PTK7: variants seen among roughly 807,000 people sequenced by gnomAD.
PTK7 encodes inactive tyrosine-protein kinase 7.
A neutral mutation model predicts 116.6 loss-of-function variants in PTK7; 39 were observed. The ratio of observed to expected loss-of-function variants is 0.33; its 90% CI spans 0.26 to 0.44. The LOEUF is 0.44. Among genes scored for constraint, PTK7 ranks in the 20% least tolerant of loss-of-function variants. The probability of loss-of-function intolerance (pLI) is 1.00; values close to 1 mark genes in which losing one functional copy is unlikely to be tolerated. For synonymous variants in PTK7, 546 were observed against 563.6 expected, an observed-to-expected ratio of 0.97 and a Z score of 0.44; for missense variants, 1,169 against 1,425.6, an observed-to-expected ratio of 0.82 and a Z score of 2.90.
At chr6:43,142,959 A>AGT (rs1770508844) in intron 13 of PTK7, 1 of 171,432 alleles carries the variant, frequency 5.8e-6, no homozygotes, top group African/African-American at 2.4e-5. Context: ...GAGGCCCCTC[A>AGT]GTGTGGGCCA....
chr6:43,118,778 A>ATT (rs532364078), intron 1 of PTK7, among the ~76,000 whole-genome samples: 35 of 119,500 alleles, frequency 2.9e-4, no homozygotes, highest in Non-Finnish European at 2.6e-4. Flanking sequence ...TGTGTGTATA[A>ATT]TTTTTTTTTT....
At chr6:43,123,933 G>C (rs1278205700) in intron 1 of PTK7, among the ~76,000 whole-genome samples, 4 of 152,208 alleles carry the variant, frequency 2.6e-5, no homozygotes, top group Admixed American at 6.5e-5. Flanking sequence ...TCACGGCAAA[G>C]AAGGGTGCAG....
intron 10 of PTK7, among the ~76,000 whole-genome samples, chr6:43,140,148 T>G (rs1770307141): frequency 6.7e-6 from 1 of 149,336 alleles, no homozygotes; most frequent in Admixed American, 6.7e-5. Flanking sequence ...CATGGGCTCC[T>G]TTACAAAATA....
rs759166210 is a variant in PTK7 at position 43,139,916 on chromosome 6, C to G, written c.1618+391C>G. Among the ~76,000 whole-genome samples, 1 of 151,006 alleles carries G rather than the reference C, an allele frequency of 6.6e-6. No homozygotes were observed. The highest frequency in any genetic ancestry group is 1.5e-5 in the Non-Finnish European group (1 of 67,872). ...GTCACTTGAGGCCAGGAGTTTGAGA[C>G]CAGCCTGGCCAACATGGTGAAACCC... is the stretch of plus-strand genomic sequence containing the variant. On this transcript the variant is annotated intron_variant, in intron 10 of 19. Coordinates refer to ENST00000230419, the MANE Select transcript of PTK7 (RefSeq NM_002821.5). The surrounding 1 kb of genome is among the most constrained non-coding windows in gnomAD (Gnocchi z 4.6).
intron 17 of PTK7, among the ~76,000 whole-genome samples, chr6:43,153,718 T>C (rs1052192106): frequency 3.3e-5 from 5 of 151,812 alleles, no homozygotes; most frequent in African/African-American, 1.2e-4. Flanking sequence ...CTAAACAGAA[T>C]TGAATTTTAA....
Position 43,079,108 on chromosome 6 carries a change from A to C in PTK7, c.79+2541A>C, listed in dbSNP as rs140689321. 5.0e-3 allele frequency among the ~76,000 whole-genome samples: 768 copies of C among 152,266 alleles called. 4 individuals are homozygous for C. Among genetic ancestry groups the C allele is most frequent in the Non-Finnish European group, 7.7e-3 (527 of 68,026 alleles). On this transcript the variant is annotated intron_variant, in intron 1 of 19. Transcript: ENST00000230419. ...GTGGTGGACAGAGCTCAAGCAATGG[A>C]GATAAAGTATGGTCCTTCCTTGGCA... is the stretch of plus-strand genomic sequence containing the variant.
intron 1 of PTK7, among the ~76,000 whole-genome samples, chr6:43,103,811 C>T (rs1767714285): frequency 6.6e-6 from 1 of 152,222 alleles, no homozygotes; most frequent in African/African-American, 2.4e-5. Flanking sequence ...TCACTAACCA[C>T]ACTGTTCCTT....
intron 1 of PTK7, among the ~76,000 whole-genome samples, chr6:43,090,718 C>T (rs1408548118): frequency 6.6e-6 from 1 of 152,150 alleles, no homozygotes; most frequent in Non-Finnish European, 1.5e-5. Flanking sequence ...AGGGCCTTGT[C>T]CCTCCCGCTT....
intron 14 of PTK7, 52 bp from the exon 15 acceptor site, chr6:43,144,399 G>A (rs748632597): frequency 1.2e-6 from 2 of 1,610,238 alleles, no homozygotes; most frequent in South Asian, 2.2e-5. Flanking sequence ...AATCCCCATG[G>A]TGGCCAGAGT....
At chr6:43,120,668 G>A (rs146246689) in intron 1 of PTK7, among the ~76,000 whole-genome samples, 1 of 152,306 alleles carries the variant, frequency 6.6e-6, no homozygotes, top group East Asian at 1.9e-4. Context: ...CCCCGTTTCT[G>A]TAACTACCTC....
chr6:43,129,518 C>T lies in PTK7; in HGVS notation c.368-209C>T, dbSNP rs1372729825. The T allele has an allele frequency of 4.3e-6, 3 of 699,698 alleles. No individual in the cohort carries two copies. The highest frequency in any genetic ancestry group is 2.7e-5 in the East Asian group (1 of 36,718). The allele number at this position is 699,698 out of a possible 1,614,324, so 43.3% of individuals were successfully genotyped here. On this transcript the variant is annotated intron_variant, in intron 2 of 19. Transcript: ENST00000230419. The surrounding 1 kb of genome is among the most constrained non-coding windows in gnomAD (Gnocchi z 4.5). ...TGCAAATGGAAAGGGCGGCCGAGCC[C>T]TTGGCCAAGTGTCAGACTTGACCTG... is the stretch of plus-strand genomic sequence containing the variant.
intron 7 of PTK7, chr6:43,132,898 C>T (rs1253057269): frequency 3.0e-6 from 2 of 670,366 alleles, no homozygotes; most frequent in Non-Finnish European, 5.2e-6. Flanking sequence ...TAGTGACAGC[C>T]CTCACAGAAA....
intron 1 of PTK7, among the ~76,000 whole-genome samples, chr6:43,101,650 G>A (rs1006225520): frequency 5.3e-5 from 8 of 152,100 alleles, no homozygotes; most frequent in Non-Finnish European, 1.2e-4. Flanking sequence ...TAAATGCTTT[G>A]TAGAGACTGT....
intron 3 of PTK7, 44 bp from the exon 4 acceptor site, chr6:43,130,186 C>CT: frequency 3.3e-6 from 5 of 1,518,302 alleles, no homozygotes; most frequent in Non-Finnish European, 4.4e-6. Flanking sequence ...CCACTGGCCA[C>CT]TGAGTACCCC....
In PTK7 at chr6:43,141,895, C is replaced by A; in HGVS notation, c.1769-36C>A. The A allele has an allele frequency of 6.3e-7, 1 of 1,594,364 alleles. No homozygotes were observed. The highest frequency in any genetic ancestry group is 8.6e-7 in the Non-Finnish European group (1 of 1,167,982). ...TGTACCCTGCCAGCCCCTTGGCTTA[C>A]CCCTCCCTGCGCCTCGCTGGTCTCT... On this transcript the variant is annotated intron_variant, in intron 11 of 19. Coordinates refer to ENST00000230419, the MANE Select transcript of PTK7 (RefSeq NM_002821.5). This position sits in a 1 kb window ranked among gnomAD's most constrained non-coding sequence, Gnocchi z 4.9.
intron 17 of PTK7, among the ~76,000 whole-genome samples, chr6:43,157,102 T>G (rs781643583): frequency 9.3e-5 from 14 of 149,810 alleles, no homozygotes; most frequent in Non-Finnish European, 1.3e-4. Flanking sequence ...TAGTGGTTAC[T>G]CCTTGAGGGG....
intron 17 of PTK7, among the ~76,000 whole-genome samples, chr6:43,149,729 G>A (rs1770959848): frequency 6.6e-6 from 1 of 152,222 alleles, no homozygotes; most frequent in Admixed American, 6.5e-5. Flanking sequence ...ATGATCTGGT[G>A]TGCAGGCTCA....
chr6:43,095,807 T>G (rs879472896), intron 1 of PTK7, among the ~76,000 whole-genome samples: 13 of 152,226 alleles, frequency 8.5e-5, no homozygotes, highest in Admixed American at 8.5e-4. Flanking sequence ...GCAATACAAC[T>G]TATTTTTGGA....
In PTK7 at chr6:43,076,737, G is replaced by A; in HGVS notation, c.79+170G>A. On this transcript the variant is annotated intron_variant, in intron 1 of 19. Coordinates refer to ENST00000230419, the MANE Select transcript of PTK7 (RefSeq NM_002821.5). The surrounding 1 kb of genome is among the most constrained non-coding windows in gnomAD (Gnocchi z 5.7). ...GAAGGGCGCAAGGAGCCCGGGTGTC[G>A]GGAGGCTGGCGAAGCCTCCAGGGAC... 1 of 1,375,660 alleles carries A rather than the reference G, an allele frequency of 7.3e-7. No homozygotes were observed. The highest frequency in any genetic ancestry group is 1.5e-5 in the African/African-American group (1 of 67,050). 85.2% of individuals were successfully genotyped at this position (1,375,660 alleles called of 1,614,324 possible).
Sources: gnomAD v4.1 joint callset for allele counts (sites outside exome capture counted in the v4.1 genomes callset) on GRCh38, gnomAD v4.1.1 for gene constraint, Gnocchi (gnomAD v3.1) non-coding constraint, MANE v1.5 for transcripts, NCBI Gene and HGNC (gene_info 2026-07-23, HGNC 2026-07-21) for gene names.